Variants in UBXN2A observed in about 807,000 individuals in gnomAD.
The protein encoded by UBXN2A is UBX domain-containing protein 2A.
In UBXN2A, 28 loss-of-function variants were observed where a neutral mutation model predicts 28.4. The observed-to-expected ratio is 0.99, with a 90% CI of 0.73 to 1.35. UBXN2A has a LOEUF of 1.35. Among genes scored for constraint, UBXN2A ranks in the 40% most tolerant of loss-of-function variants. The pLI is 0.00. For missense variants in UBXN2A, 253 were observed against 297.9 expected (o/e 0.85, Z 1.11); for synonymous variants, 97 against 103.6 (o/e 0.94, Z 0.39).
chr2:23,985,993 T>G (rs1348498729), intron 6 of UBXN2A, among the ~76,000 whole-genome samples: 2 of 151,430 alleles, frequency 1.3e-5, no homozygotes, highest in African/African-American at 4.9e-5. Context: ...TCTCAAAAAA[T>G]AAAAATAATC....
chr2:23,965,044 A>C lies in UBXN2A; in HGVS notation c.42-6232A>C, dbSNP rs562434922. Among the ~76,000 whole-genome samples, 20 of 152,004 alleles carry C rather than the reference A, an allele frequency of 1.3e-4. No homozygotes were observed. The South Asian group carries it at 4.2e-3, about 32-fold the overall frequency. On this transcript the variant is annotated intron_variant, in intron 2 of 6. Transcript: ENST00000309033. ...AGGCATGTGCCACCATACCTGGCTA[A>C]TTTTTCGTATTTTTTTTATAGAGAT...
rs1229563231 is a variant in UBXN2A at position 24,001,520 on chromosome 2, A to G, written c.*1653A>G. Reference sequence around the variant, plus strand: ...AATGAAGCATGCATTGAGTGTGCCAAGGAACTAAGTGGTCCATAGCAGCAG... The same window carrying G: ...AATGAAGCATGCATTGAGTGTGCCAGGGAACTAAGTGGTCCATAGCAGCAG... On this transcript the variant is annotated 3_prime_UTR_variant, in exon 7 of 7. Transcript: ENST00000309033. 6.6e-6 allele frequency: 1 copy of G among 152,140 alleles called. No homozygotes were observed. Among genetic ancestry groups the G allele is most frequent in the East Asian group, 1.9e-4 (1 of 5,202 alleles). 9.4% of individuals were successfully genotyped at this position (152,140 alleles called of 1,614,324 possible). A position where few individuals can be genotyped will look rare whatever the true frequency, so the allele number is the denominator to read the frequency against.
At chr2:23,968,569 AG>A (rs148416999) in intron 2 of UBXN2A, among the ~76,000 whole-genome samples, 9,741 of 151,512 alleles carry the variant, frequency 0.064, 401 homozygotes, top group African/African-American at 0.12. Context: ...ACTACTCCAG[AG>A]GCTGAGGCAG....
chr2:23,969,619 TCAAAGTGCTGGGATTAC>T (rs1425747434), intron 2 of UBXN2A, among the ~76,000 whole-genome samples: 1 of 151,858 alleles, frequency 6.6e-6, no homozygotes, highest in Non-Finnish European at 1.5e-5. Context: ...CCTTGGCCTC[TCAAAGTGCTGGGATTAC>T]AGGCATGAGC....
intron 4 of UBXN2A, 67 bp downstream of exon 4, chr2:23,977,142 T>C (rs557874339): frequency 7.6e-7 from 1 of 1,310,688 alleles, no homozygotes; most frequent in Admixed American, 1.8e-5. Flanking sequence ...GGCGAGAGGA[T>C]TGCCTGAGCT....
intron 2 of UBXN2A, 74 bp downstream of exon 2, chr2:23,958,429 T>C: frequency 7.1e-7 from 1 of 1,415,204 alleles, no homozygotes. Context: ...TACATTTCAC[T>C]TGCAGAGATA....
rs1374666143 is a variant in UBXN2A at position 24,004,568 on chromosome 2, C to G, written c.*4701C>G. 6.6e-6 allele frequency: 1 copy of G among 152,270 alleles called. No individual in the cohort carries two copies. Among genetic ancestry groups the G allele is most frequent in the Non-Finnish European group, 1.5e-5 (1 of 68,102 alleles). 9.4% of individuals were successfully genotyped at this position (152,270 alleles called of 1,614,324 possible). A position where few individuals can be genotyped will look rare whatever the true frequency, so the allele number is the denominator to read the frequency against. Reference sequence around the variant, plus strand: ...ACTCAGGAGGCTGAGGCAGGAGAATCACCTGAGCCCCGGAGGCAGAGGTTG... The same window carrying G: ...ACTCAGGAGGCTGAGGCAGGAGAATGACCTGAGCCCCGGAGGCAGAGGTTG... On this transcript the variant is annotated 3_prime_UTR_variant, in exon 7 of 7. Transcript: ENST00000309033.
chr2:23,978,188 T>TAA (rs2150883916), intron 4 of UBXN2A, among the ~76,000 whole-genome samples: 1 of 152,288 alleles, frequency 6.6e-6, no homozygotes, highest in African/African-American at 2.4e-5. Flanking sequence ...AAATCTTACT[T>TAA]AAACTAATTT....
At chr2:23,995,951 A>G (rs1708514550) in intron 6 of UBXN2A, among the ~76,000 whole-genome samples, 1 of 152,092 alleles carries the variant, frequency 6.6e-6, no homozygotes, top group Non-Finnish European at 1.5e-5. Flanking sequence ...TTTGGAGTGC[A>G]GTGGCTCAAT....
upstream of UBXN2A, among the ~76,000 whole-genome samples, chr2:23,940,163 C>G (rs1056591852): frequency 6.6e-6 from 1 of 150,764 alleles, no homozygotes; most frequent in Non-Finnish European, 1.5e-5. Flanking sequence ...TCGTTGTCCA[C>G]AGGGCTCAGG....
intron 6 of UBXN2A, among the ~76,000 whole-genome samples, chr2:23,993,843 A>G (rs1478293178): frequency 3.3e-5 from 5 of 151,816 alleles, no homozygotes; most frequent in Non-Finnish European, 5.9e-5. Flanking sequence ...ATGCGCTACC[A>G]CACCCAGCTA....
intron 1 of UBXN2A, among the ~76,000 whole-genome samples, chr2:23,955,661 G>C (rs1404255825): frequency 6.6e-6 from 1 of 152,146 alleles, no homozygotes; most frequent in Admixed American, 6.5e-5. Flanking sequence ...CTACAAACCT[G>C]TACAGCATGT....
At chr2:23,937,215 A>G (rs1014954490), upstream of UBXN2A, among the ~76,000 whole-genome samples, 2 of 152,162 alleles carry the variant, frequency 1.3e-5, no homozygotes, top group Admixed American at 6.6e-5. Context: ...GTTAGACAAT[A>G]AAAAGAAATA....
rs139889715 is a variant in UBXN2A at position 23,981,825 on chromosome 2, C to T, written c.288-1071C>T. Among the ~76,000 whole-genome samples, 1,014 of 152,094 alleles carry T rather than the reference C, an allele frequency of 6.7e-3. 7 individuals are homozygous for T. The highest frequency in any genetic ancestry group is 0.01 in the Non-Finnish European group (714 of 68,004). On this transcript the variant is annotated intron_variant, in intron 4 of 6. Transcript: ENST00000309033. Reference sequence around the variant, plus strand: ...ATCGCTTCAGCCCAGGAGGTCAAGGCTGCAGGGAGCCATGATTGCACCACT... The same window carrying T: ...ATCGCTTCAGCCCAGGAGGTCAAGGTTGCAGGGAGCCATGATTGCACCACT...
At chr2:23,997,742 G>A (rs778349276) in intron 6 of UBXN2A, among the ~76,000 whole-genome samples, 7 of 151,668 alleles carry the variant, frequency 4.6e-5, no homozygotes, top group African/African-American at 1.7e-4. Flanking sequence ...CACCGTACCC[G>A]GCCTCTAAAG....
In UBXN2A at chr2:23,977,034, C is replaced by T. The variant is rs771409327; in HGVS notation, c.246C>T (p.Ser82=). ...TCAACGACGATTTCAGAAGTTATTC[C>T]GATGGTGCCAGTCAGCAGTTTTTGA... The part of the protein sequence containing the change: ...FTVNDDFRSY[S]DGASQQFLNS... Residue 82 remains serine (S), a synonymous_variant, in exon 4 of 7, where the codon TCC becomes TCT. Transcript: ENST00000309033. 1.9e-5 allele frequency: 31 copies of T among 1,611,952 alleles called. No individual in the cohort carries two copies. Among genetic ancestry groups the T allele is most frequent in the Admixed American group, 3.3e-5 (2 of 59,938 alleles).
At chr2:23,960,993 T>C (rs937119106) in intron 2 of UBXN2A, among the ~76,000 whole-genome samples, 2 of 152,132 alleles carry the variant, frequency 1.3e-5, no homozygotes, top group African/African-American at 4.8e-5. Context: ...AATGCAGTTA[T>C]ACAATATGTG....
chr2:23,937,269 G>C (rs1225211939), upstream of UBXN2A, among the ~76,000 whole-genome samples: 1 of 152,196 alleles, frequency 6.6e-6, no homozygotes, highest in Non-Finnish European at 1.5e-5. Context: ...CTATGGCCAA[G>C]TGTGGTATCT....
At chr2:23,996,550 C>T (rs113624173) in intron 6 of UBXN2A, among the ~76,000 whole-genome samples, 4,266 of 150,170 alleles carry the variant, frequency 0.028, 76 homozygotes, top group Non-Finnish European at 0.045. Context: ...GATCTCGGCT[C>T]ACTGCAACCT....
Sources: gnomAD v4.1 joint callset for allele counts (sites outside exome capture counted in the v4.1 genomes callset) on GRCh38, gnomAD v4.1.1 for gene constraint, MANE v1.5 for transcripts, NCBI Gene and HGNC (gene_info 2026-07-23, HGNC 2026-07-21) for gene names.